HORMAD2: variants seen among roughly 807,000 people sequenced by gnomAD.
HORMAD2 encodes HORMA domain containing 2, also known as HORMA domain-containing protein 2.
HORMAD2 carries 45 observed loss-of-function variants against 38.8 expected under a neutral mutation model. That is an observed-to-expected ratio of 1.16 (90% CI 0.91 to 1.49). The LOEUF is 1.49. HORMAD2 is among the 40% of genes most tolerant of loss of function. The pLI is 0.00. For missense variants in HORMAD2, 338 were observed against 367.0 expected (o/e 0.92, Z 0.65); for synonymous variants, 126 against 122.8 (o/e 1.03, Z -0.17).
At chr22:30,108,364 C>G (rs776137292) in intron 5 of HORMAD2, among the ~76,000 whole-genome samples, 1 of 152,134 alleles carries the variant, frequency 6.6e-6, no homozygotes, top group African/African-American at 2.4e-5. Context: ...TGTATGATCC[C>G]TATCTTCCTG....
intron 10 of HORMAD2, among the ~76,000 whole-genome samples, chr22:30,136,520 C>T (rs747008956): frequency 9.2e-5 from 14 of 152,018 alleles, no homozygotes; most frequent in Admixed American, 2.6e-4. Flanking sequence ...TCTCCAGATT[C>T]GCCTATTATG....
intron 10 of HORMAD2, among the ~76,000 whole-genome samples, chr22:30,125,145 C>T (rs1053407124): frequency 7.0e-6 from 1 of 142,238 alleles, no homozygotes; most frequent in Non-Finnish European, 1.5e-5. Context: ...AGTAATAATT[C>T]TTTTTCACTC....
chr22:30,201,740 C>T, the HORMAD2 span, among the ~76,000 whole-genome samples: 2 of 151,874 alleles, frequency 1.3e-5, no homozygotes, highest in African/African-American at 2.4e-5. Context: ...CATACCTTTT[C>T]GGGGGACACA....
At chr22:30,111,649 C>T (rs1233682185) in intron 5 of HORMAD2, 147 bp from the exon 6 acceptor site, 4 of 608,462 alleles carry the variant, frequency 6.6e-6, no homozygotes, top group African/African-American at 3.9e-5. Flanking sequence ...ATGACTGTAT[C>T]CTTTTTCTTC....
Position 30,121,736 on chromosome 22 carries a change from A to C in HORMAD2, c.515A>C (p.Glu172Ala). Residue 172 changes from glutamate (E) to alanine (A), a missense_variant, in exon 9 of 11, where the codon GAG (glutamate) becomes GCG (alanine). Glu to Ala is a moderately radical substitution (Grantham distance 107). Coordinates refer to ENST00000336726, the MANE Select transcript of HORMAD2 (RefSeq NM_152510.4). ...RKLYILMQDLEPLPNNVVLTM... is the reference protein window; with the variant it reads ...RKLYILMQDLAPLPNNVVLTM... The stretch of plus-strand genomic sequence containing the variant: ...TTGTATATACTGATGCAGGACCTTG[A>C]GCCACTTCCTAATAATGTTGTACTT... 1 of 1,612,660 alleles carries C rather than the reference A, an allele frequency of 6.2e-7. No homozygotes were observed. The highest frequency in any genetic ancestry group is 1.1e-5 in the South Asian group (1 of 90,774).
At chr22:30,199,185 C>T in the HORMAD2 span, among the ~76,000 whole-genome samples, 1 of 152,214 alleles carries the variant, frequency 6.6e-6, no homozygotes, top group Admixed American at 6.5e-5. Flanking sequence ...AACCCCCTCT[C>T]AGAGAACGCA....
At chr22:30,152,172 C>T (rs1161898821) in intron 10 of HORMAD2, among the ~76,000 whole-genome samples, 2 of 151,982 alleles carry the variant, frequency 1.3e-5, no homozygotes, top group African/African-American at 4.8e-5. Context: ...AGTCTCTGTT[C>T]CTTTTTCATT....
intron 10 of HORMAD2, among the ~76,000 whole-genome samples, chr22:30,127,199 CTTTTTTTTTTTTTTTTTT>C: frequency 1.3e-5 from 1 of 79,804 alleles, no homozygotes; most frequent in Non-Finnish European, 2.4e-5. Context: ...AACAGAAGTT[CTTTTTTTTTTTTTTTTTT>C]TTTTTTTTTG....
chr22:30,202,504 A>T, the HORMAD2 span, among the ~76,000 whole-genome samples: 1 of 151,982 alleles, frequency 6.6e-6, no homozygotes, highest in Admixed American at 6.6e-5. Flanking sequence ...ATGCAAAAAA[A>T]GTCAGCTCCT....
At chr22:30,148,876 G>T (rs1288393002) in intron 10 of HORMAD2, among the ~76,000 whole-genome samples, 1 of 152,106 alleles carries the variant, frequency 6.6e-6, no homozygotes, top group Non-Finnish European at 1.5e-5. Flanking sequence ...GTGGTGACGG[G>T]TGCCTGTAGT....
intron 10 of HORMAD2, among the ~76,000 whole-genome samples, chr22:30,172,105 G>C (rs1926145606): frequency 6.6e-6 from 1 of 152,154 alleles, no homozygotes; most frequent in Non-Finnish European, 1.5e-5. Flanking sequence ...ATCAGGGTCT[G>C]TGACACTTTC....
chr22:30,085,422 T>C (rs1201216301), intron 1 of HORMAD2, among the ~76,000 whole-genome samples: 3 of 152,184 alleles, frequency 2.0e-5, no homozygotes, highest in African/African-American at 7.2e-5. Context: ...TGCAGAATTT[T>C]GTGAATATAC....
At chr22:30,079,690 A>AT (rs1422307084), upstream of HORMAD2, among the ~76,000 whole-genome samples, 24 of 141,180 alleles carry the variant, frequency 1.7e-4, no homozygotes, top group African/African-American at 5.9e-4. Flanking sequence ...ACTTTTTAAA[A>AT]TTTTTTTGAG....
chr22:30,132,234 T>C (rs1923333908), intron 10 of HORMAD2, among the ~76,000 whole-genome samples: 1 of 152,150 alleles, frequency 6.6e-6, no homozygotes, highest in South Asian at 2.1e-4. Flanking sequence ...GGGTAGATTA[T>C]TGAAAGCACT....
intron 8 of HORMAD2, among the ~76,000 whole-genome samples, chr22:30,120,194 TA>T (rs1397587974): frequency 1.3e-5 from 2 of 152,200 alleles, no homozygotes; most frequent in Non-Finnish European, 2.9e-5. Flanking sequence ...ATTAATTTCC[TA>T]GAGAAGAAAT....
chr22:30,192,710 G>A, the HORMAD2 span, among the ~76,000 whole-genome samples: 2 of 152,062 alleles, frequency 1.3e-5, no homozygotes, highest in African/African-American at 4.8e-5. Flanking sequence ...AAGTTTTATT[G>A]TTCTGTGTAA....
the HORMAD2 span, among the ~76,000 whole-genome samples, chr22:30,207,402 G>A: frequency 2.6e-5 from 4 of 152,134 alleles, no homozygotes; most frequent in Non-Finnish European, 5.9e-5. Flanking sequence ...AATGTCCCAG[G>A]CTCTTAAAAG....
chr22:30,130,867 G>A (rs1050145723), intron 10 of HORMAD2, among the ~76,000 whole-genome samples: 2 of 152,024 alleles, frequency 1.3e-5, no homozygotes, highest in Admixed American at 1.3e-4. Context: ...AAAGTGCTGG[G>A]ATTACAGGCA....
At chr22:30,100,803 A>T (rs1049108631) in intron 3 of HORMAD2, among the ~76,000 whole-genome samples, 2 of 152,248 alleles carry the variant, frequency 1.3e-5, no homozygotes, top group Non-Finnish European at 2.9e-5. Context: ...AAAAGAAGAC[A>T]TTTATGCAGC....
Sources: gnomAD v4.1 joint callset for allele counts (sites outside exome capture counted in the v4.1 genomes callset) on GRCh38, gnomAD v4.1.1 for gene constraint, MANE v1.5 for transcripts, NCBI Gene and HGNC (gene_info 2026-07-23, HGNC 2026-07-21) for gene names.